The following ATP6V0E1 variants were observed in gnomAD, a reference collection of about 807,000 sequenced individuals.
The protein encoded by ATP6V0E1 is ATPase H+ transporting V0 subunit e1.
Under a neutral mutation model 11.6 loss-of-function variants are expected in ATP6V0E1, and 4 were observed. That is an observed-to-expected ratio of 0.35 (90% confidence interval 0.17 to 0.79). ATP6V0E1 has a LOEUF of 0.79. Among genes scored for constraint, ATP6V0E1 ranks in the 30% least tolerant of loss-of-function variants. The pLI is 0.54. For missense variants in ATP6V0E1, 105 were observed against 100.0 expected (o/e 1.05, Z -0.21); for synonymous variants, 36 against 34.8 (o/e 1.04, Z -0.13).
At position 173,003,137 on chromosome 5, in the gene ATP6V0E1, T is replaced by G. The variant is rs1199117002; in HGVS notation, c.152+8315T>G. Among the ~76,000 whole-genome samples the G allele has an allele frequency of 2.0e-5, 3 of 152,048 alleles. No homozygotes were observed. In the East Asian group the frequency reaches 5.8e-4, roughly 29 times the overall value. ...TATGTAAGGCCCAGGCCAGGTGGGA[T>G]TTTATGCTGTGCAGGTCCTTGTGTG... On this transcript the variant is annotated intron_variant, in intron 2 of 3. Coordinates refer to ENST00000519374, the MANE Select transcript of ATP6V0E1 (RefSeq NM_003945.4).
intron 3 of ATP6V0E1, among the ~76,000 whole-genome samples, chr5:173,023,387 G>T (rs1756511733): frequency 6.6e-6 from 1 of 152,218 alleles, no homozygotes; most frequent in African/African-American, 2.4e-5. Context: ...GTAGAGATGG[G>T]TTTTCACCAT....
intron 3 of ATP6V0E1, among the ~76,000 whole-genome samples, chr5:173,033,756 A>G (rs529968577): frequency 6.6e-6 from 1 of 152,104 alleles, no homozygotes; most frequent in Non-Finnish European, 1.5e-5. Context: ...AGATGGGAGG[A>G]TCATTTGGGC....
chr5:173,029,111 T>C (rs1756603971), intron 3 of ATP6V0E1, among the ~76,000 whole-genome samples: 1 of 152,188 alleles, frequency 6.6e-6, no homozygotes, highest in Non-Finnish European at 1.5e-5. Flanking sequence ...GGGAGCTGTT[T>C]TTCTATGCAT....
chr5:173,030,808 G>A (rs1294077281), intron 3 of ATP6V0E1, among the ~76,000 whole-genome samples: 2 of 151,854 alleles, frequency 1.3e-5, no homozygotes, highest in African/African-American at 2.4e-5. Flanking sequence ...GAGTGCAGTG[G>A]CGCAATCTTG....
intron 2 of ATP6V0E1, among the ~76,000 whole-genome samples, chr5:173,019,189 C>T (rs572985278): frequency 6.6e-6 from 1 of 152,230 alleles, no homozygotes; most frequent in African/African-American, 2.4e-5. Context: ...CTCCTGGCTT[C>T]GAGTGATCCT....
chr5:173,029,590 G>C (rs1756617094), intron 3 of ATP6V0E1, among the ~76,000 whole-genome samples: 1 of 152,078 alleles, frequency 6.6e-6, no homozygotes, highest in South Asian at 2.1e-4. Context: ...TCCTGGTGTA[G>C]CACTTCCTGA....
rs185107178 is a variant in ATP6V0E1 at position 172,992,075 on chromosome 5, G to T, written c.105-2700G>T. ...TTTCTTTTTTATTTTTTTTGAGACGGAGTCTCGCTCTGTCGCCCAGGCTGG... is the reference window on the plus strand; with the variant it reads ...TTTCTTTTTTATTTTTTTTGAGACGTAGTCTCGCTCTGTCGCCCAGGCTGG... On this transcript the variant is annotated intron_variant, in intron 1 of 3. Coordinates refer to ENST00000519374, the MANE Select transcript of ATP6V0E1 (RefSeq NM_003945.4). Among the ~76,000 whole-genome samples, 25 of 150,330 alleles carry T rather than the reference G, an allele frequency of 1.7e-4. No individual in the cohort carries two copies. In the East Asian group the frequency reaches 4.9e-3, roughly 30 times the overall value.
At chr5:173,030,729 C>T (rs1168240516) in intron 3 of ATP6V0E1, among the ~76,000 whole-genome samples, 1 of 151,848 alleles carries the variant, frequency 6.6e-6, no homozygotes, top group Non-Finnish European at 1.5e-5. Context: ...AGCCACTGCA[C>T]CTGGCCCATT....
At chr5:173,025,143 CTTTTTTTTTTTT>C (rs539174415) in intron 3 of ATP6V0E1, among the ~76,000 whole-genome samples, 1 of 103,144 alleles carries the variant, frequency 9.7e-6, no homozygotes, top group Non-Finnish European at 2.0e-5. Flanking sequence ...GCCTGGCATT[CTTTTTTTTTTTT>C]TTTTTTTTTA....
At chr5:172,988,157 A>G (rs1189193078) in intron 1 of ATP6V0E1, among the ~76,000 whole-genome samples, 1 of 152,198 alleles carries the variant, frequency 6.6e-6, no homozygotes, top group African/African-American at 2.4e-5. Flanking sequence ...AGATGTCATT[A>G]GGTGATAGGA....
chr5:172,984,025 GGGAAA>G, intron 1 of ATP6V0E1, 61 bp downstream of exon 1: 1 of 1,526,910 alleles, frequency 6.5e-7, no homozygotes, highest in Non-Finnish European at 9.1e-7. Context: ...GGCCGGGGCG[GGGAAA>G]GGCACGACCC....
chr5:173,000,840 A>G (rs1756140699), intron 2 of ATP6V0E1, among the ~76,000 whole-genome samples: 1 of 151,960 alleles, frequency 6.6e-6, no homozygotes, highest in Admixed American at 6.6e-5. Context: ...AGGTGGGACT[A>G]CAGATGTGCG....
At chr5:173,013,301 C>T (rs1756358038) in intron 2 of ATP6V0E1, among the ~76,000 whole-genome samples, 1 of 151,538 alleles carries the variant, frequency 6.6e-6, no homozygotes, top group Non-Finnish European at 1.5e-5. Context: ...CTTGGCCGGG[C>T]GCGGTGGCTC....
chr5:173,009,756 G>A (rs1431841328), intron 2 of ATP6V0E1, among the ~76,000 whole-genome samples: 1 of 145,544 alleles, frequency 6.9e-6, no homozygotes, highest in Non-Finnish European at 1.5e-5. Context: ...GAGCCACTGC[G>A]CCTGGCCTCT....
chr5:173,029,823 C>A (rs567803741), intron 3 of ATP6V0E1, among the ~76,000 whole-genome samples: 15 of 152,284 alleles, frequency 9.9e-5, no homozygotes, highest in African/African-American at 3.4e-4. Flanking sequence ...AACGGCTAAC[C>A]TGCAGGTCAT....
chr5:173,026,453 A>G (rs1465645627), intron 3 of ATP6V0E1, among the ~76,000 whole-genome samples: 1 of 152,200 alleles, frequency 6.6e-6, no homozygotes, highest in African/African-American at 2.4e-5. Flanking sequence ...TATGAACAAG[A>G]TATATTCAGA....
intron 2 of ATP6V0E1, among the ~76,000 whole-genome samples, chr5:173,004,189 T>C (rs1756196411): frequency 6.6e-6 from 1 of 152,124 alleles, no homozygotes; most frequent in African/African-American, 2.4e-5. Flanking sequence ...GGGTGGTGCC[T>C]GGGAAAGCAT....
At chr5:172,991,078 T>C (rs542393377) in intron 1 of ATP6V0E1, among the ~76,000 whole-genome samples, 1 of 152,154 alleles carries the variant, frequency 6.6e-6, no homozygotes, top group Admixed American at 6.5e-5. Flanking sequence ...CTCAGCCTCC[T>C]GAGTAGCTGG....
intron 2 of ATP6V0E1, among the ~76,000 whole-genome samples, chr5:172,999,069 G>A (rs897565632): frequency 1.3e-5 from 2 of 152,118 alleles, no homozygotes; most frequent in African/African-American, 4.8e-5. Context: ...CTGGGAGGCA[G>A]AGGTTGCAGT....
Sources: gnomAD v4.1 joint callset for allele counts (sites outside exome capture counted in the v4.1 genomes callset) on GRCh38, gnomAD v4.1.1 for gene constraint, MANE v1.5 for transcripts, NCBI Gene and HGNC (gene_info 2026-07-23, HGNC 2026-07-21) for gene names.